Variants in ZNF420 observed in about 807,000 individuals in gnomAD.
The protein encoded by ZNF420 is ATM and p53-associated KZNF protein.
A neutral mutation model predicts 44.7 loss-of-function variants in ZNF420; 31 were observed. The observed-to-expected ratio is 0.69, with a 90% confidence interval of 0.52 to 0.94. The LOEUF (loss-of-function observed/expected upper bound fraction) is 0.94. Among genes scored for constraint, ZNF420 ranks in the 40% least tolerant of loss-of-function variants. ZNF420 has a pLI of 0.00. For synonymous variants in ZNF420, 245 were observed against 267.4 expected (o/e 0.92, Z 0.82); for missense variants, 681 against 827.9 (o/e 0.82, Z 2.18).
intron 4 of ZNF420, among the ~76,000 whole-genome samples, chr19:37,093,343 C>T (rs1969262019): frequency 6.6e-6 from 1 of 152,128 alleles, no homozygotes; most frequent in Non-Finnish European, 1.5e-5. Flanking sequence ...CTTCCTCAGC[C>T]TCCCCAGCAG....
At chr19:37,068,411 G>A (rs566462235) in intron 1 of ZNF420, among the ~76,000 whole-genome samples, 28 of 152,150 alleles carry the variant, frequency 1.8e-4, no homozygotes, top group South Asian at 6.2e-4. Flanking sequence ...AGGCTGAGGC[G>A]GGCGGATCAC....
intron 1 of ZNF420, among the ~76,000 whole-genome samples, chr19:37,057,940 T>C (rs1471515572): frequency 6.6e-6 from 1 of 152,108 alleles, no homozygotes; most frequent in Non-Finnish European, 1.5e-5. Flanking sequence ...ATGACAACAA[T>C]ACCTGCTGTC....
At position 37,116,368 on chromosome 19, in the gene ZNF420, C is replaced by CAAAAAA. The variant is rs57611154; in HGVS notation, c.137-10743_137-10738dup. On this transcript the variant is annotated intron_variant, in intron 4 of 4. Transcript: ENST00000337995. Reference sequence around the variant, plus strand: ...TGGGCAACAGAGCAGGACTCCACCTCAAAAAAAAAAAAAAAAAAAAAAGAA... The same window carrying CAAAAAA: ...TGGGCAACAGAGCAGGACTCCACCTCAAAAAAAAAAAAAAAAAAAAAAAAAAAAGAA... Among the ~76,000 whole-genome samples the CAAAAAA allele has an allele frequency of 8.2e-3, 621 of 75,830 alleles. 11 individuals carry two copies. Among genetic ancestry groups the CAAAAAA allele is most frequent in the African/African-American group, 0.025 (580 of 22,974 alleles). The allele number at this position is 75,830 out of a possible 152,430, so 49.7% of individuals were successfully genotyped here. A position where few individuals can be genotyped will look rare whatever the true frequency, so the allele number is the denominator to read the frequency against.
chr19:37,087,800 C>T (rs570247019), intron 2 of ZNF420, among the ~76,000 whole-genome samples: 1 of 152,206 alleles, frequency 6.6e-6, no homozygotes, highest in African/African-American at 2.4e-5. Context: ...CGCTCGCCAC[C>T]ACACCCGGCT....
At chr19:37,010,346 G>C (rs1367947011) in intron 1 of ZNF420, among the ~76,000 whole-genome samples, 1 of 152,134 alleles carries the variant, frequency 6.6e-6, no homozygotes, top group African/African-American at 2.4e-5. Flanking sequence ...GTTCAAGTGA[G>C]TCTCCCCAAA....
At chr19:37,075,696 C>CCT (rs1555753752), upstream of ZNF420, among the ~76,000 whole-genome samples, 5 of 151,940 alleles carry the variant, frequency 3.3e-5, no homozygotes, top group Non-Finnish European at 7.4e-5. Context: ...GAGCTGAGAG[C>CCT]GCACCACTGC....
At chr19:37,041,656 T>C (rs749552876) in intron 1 of ZNF420, among the ~76,000 whole-genome samples, 52 of 152,324 alleles carry the variant, frequency 3.4e-4, no homozygotes, top group Non-Finnish European at 6.0e-4. Flanking sequence ...AAGCGCTTAT[T>C]CTAGAAACAT....
At chr19:37,087,300 AATAAATAAAT>A (rs1968866528) in intron 2 of ZNF420, among the ~76,000 whole-genome samples, 1 of 126,846 alleles carries the variant, frequency 7.9e-6, no homozygotes, top group African/African-American at 3.5e-5. Context: ...AAAATAAATA[AATAAATAAAT>A]AAATAAATAA....
At chr19:37,075,666 C>T (rs1412429332), upstream of ZNF420, among the ~76,000 whole-genome samples, 3 of 152,054 alleles carry the variant, frequency 2.0e-5, no homozygotes, top group South Asian at 6.2e-4. Flanking sequence ...CACTTGAACC[C>T]GGGAAGCGGA....
In ZNF420 at chr19:37,090,855, G is replaced by T. The variant is rs923154043; in HGVS notation, c.10-140G>T. 1.3e-5 allele frequency: 10 copies of T among 757,358 alleles called. No individual in the cohort carries two copies. The African/African-American group carries it at 1.8e-4, about 14-fold the overall frequency. The allele number at this position is 757,358 out of a possible 1,614,324, so 46.9% of individuals were successfully genotyped here. The stretch of plus-strand genomic sequence containing the variant: ...GAATTGCTTGAACCTAGGAGGCGGA[G>T]GTTGCAGCGTGCCGAGATCGCGCCA... On this transcript the variant is annotated intron_variant, in intron 3 of 4. Transcript: ENST00000337995.
intron 1 of ZNF420, among the ~76,000 whole-genome samples, chr19:37,065,890 A>T (rs936112046): frequency 2.0e-5 from 3 of 152,222 alleles, no homozygotes; most frequent in African/African-American, 4.8e-5. Flanking sequence ...CTTGATATCC[A>T]TACAGAAAAA....
intron 4 of ZNF420, chr19:37,115,228 G>C (rs1043828980): frequency 6.2e-6 from 1 of 161,626 alleles, no homozygotes; most frequent in East Asian, 1.9e-4. Context: ...CACACCTGTG[G>C]GTGTTTCTCG....
intron 2 of ZNF420, among the ~76,000 whole-genome samples, chr19:37,083,072 G>A (rs1319981160): frequency 6.6e-6 from 1 of 151,740 alleles, no homozygotes; most frequent in Non-Finnish European, 1.5e-5. Context: ...TGTTGGCCAG[G>A]ATGGTCTCGA....
intron 1 of ZNF420, among the ~76,000 whole-genome samples, chr19:37,054,326 C>T (rs1967702685): frequency 6.6e-6 from 1 of 152,206 alleles, no homozygotes; most frequent in Non-Finnish European, 1.5e-5. Flanking sequence ...GATGCCTTGC[C>T]CTGCTTCAGC....
At position 37,128,167 on chromosome 19, in the gene ZNF420, A is replaced by G. The variant is rs751890258; in HGVS notation, c.1176A>G (p.Glu392=). The G allele has an allele frequency of 6.2e-7, 1 of 1,614,142 alleles. No individual in the cohort carries two copies. The highest frequency in any genetic ancestry group is 1.1e-5 in the South Asian group (1 of 91,086). The change falls in exon 5 of 5, where the codon GAA becomes GAG. Residue 392 remains glutamate, a synonymous_variant. Coordinates refer to ENST00000337995, the MANE Select transcript of ZNF420 (RefSeq NM_144689.5). ...TTCACACCAATGAAAAGCCCTATGA[A>G]TGTAAGGAATGTGGAAAGATGTTTA... ...QRIHTNEKPY[E]CKECGKMFSH... is the part of the protein sequence containing the mutation.
chr19:37,069,438 G>C (rs1262946544), intron 1 of ZNF420, among the ~76,000 whole-genome samples: 2 of 151,978 alleles, frequency 1.3e-5, no homozygotes, highest in African/African-American at 4.8e-5. Flanking sequence ...GGACTCAATG[G>C]GGTTATGCCC....
Position 37,080,388 on chromosome 19 carries a change from G to A in ZNF420, c.-81G>A, listed in dbSNP as rs1968371272. The A allele has an allele frequency of 6.6e-6, 1 of 152,598 alleles. No homozygotes were observed. Among genetic ancestry groups the A allele is most frequent in the African/African-American group, 2.4e-5 (1 of 41,450 alleles). 9.5% of individuals were successfully genotyped at this position (152,598 alleles called of 1,614,324 possible). On this transcript the variant is annotated splice_region_variant and 5_prime_UTR_variant, in exon 2 of 5. Transcript: ENST00000337995. ...TGGCTGTTTCAGTAGCAATGTCCAA[G>A]GTGAGTATTTCCTCTTTGTTTCCTG...
intron 1 of ZNF420, among the ~76,000 whole-genome samples, chr19:37,054,423 C>T (rs1967704330): frequency 6.6e-6 from 1 of 152,198 alleles, no homozygotes; most frequent in Non-Finnish European, 1.5e-5. Context: ...GTTGGAAATG[C>T]AGAAATCACC....
At chr19:37,023,964 A>T (rs2562595) in intron 1 of ZNF420, among the ~76,000 whole-genome samples, 53,183 of 151,786 alleles carry the variant, frequency 0.35, 9,631 homozygotes, top group African/African-American at 0.4. Context: ...GAAAATCTAG[A>T]TCAGGCCATG....
Sources: allele counts gnomAD v4.1 joint callset (sites outside exome capture counted in the v4.1 genomes callset), GRCh38; gene constraint gnomAD v4.1.1; transcripts MANE v1.5; gene names NCBI Gene and HGNC (gene_info 2026-07-23, HGNC 2026-07-21).